The following UVSSA variants were observed in gnomAD, a reference collection of about 807,000 sequenced individuals.
UVSSA encodes the protein UV-stimulated scaffold protein A.
In UVSSA, 72 loss-of-function variants were observed where a neutral mutation model predicts 73.9. The ratio of observed to expected loss-of-function variants is 0.97; its 90% CI spans 0.81 to 1.19. The LOEUF (loss-of-function observed/expected upper bound fraction) is 1.19. Among genes scored for constraint, UVSSA ranks in the 50% most tolerant of loss-of-function variants. The pLI, the probability that UVSSA is intolerant of heterozygous loss-of-function variation, is 0.00. For synonymous variants in UVSSA, 454 were observed against 391.3 expected, an observed-to-expected ratio of 1.16 and a Z score of -1.89; for missense variants, 1,150 against 965.0, an observed-to-expected ratio of 1.19 and a Z score of -2.54.
chr4:1,347,923 C>T, intron 1 of UVSSA, 163 bp downstream of exon 1: 4 of 632,822 alleles, frequency 6.3e-6, no homozygotes, highest in Non-Finnish European at 8.4e-6. Context: ...GCCGTAAAGG[C>T]CTTGCTGGAC....
chr4:1,378,263 C>CG (rs1719012414), intron 10 of UVSSA, among the ~76,000 whole-genome samples: 1 of 152,122 alleles, frequency 6.6e-6, no homozygotes, highest in African/African-American at 2.4e-5. Context: ...AGAGGGCTGG[C>CG]GGGCCCTGGC....
chr4:1,360,183 G>T lies in UVSSA; in HGVS notation c.1176+4938G>T, dbSNP rs368496075. Among the ~76,000 whole-genome samples the T allele has an allele frequency of 3.9e-4, 59 of 152,364 alleles. 2 individuals carry two copies. The highest frequency in any genetic ancestry group is 1.3e-3 in the African/African-American group (56 of 41,596). On this transcript the variant is annotated intron_variant, in intron 7 of 13. Transcript: ENST00000389851. ...CGCATCCCAAGGGCTGCCCACGGGG[G>T]GCGGGGTGCAGATACACAGGTTCTC...
chr4:1,361,768 G>A (rs776644498), intron 7 of UVSSA, among the ~76,000 whole-genome samples: 1 of 152,072 alleles, frequency 6.6e-6, no homozygotes, highest in African/African-American at 2.4e-5. Flanking sequence ...TTATAAGATA[G>A]AATGGGTTTT....
intron 10 of UVSSA, among the ~76,000 whole-genome samples, chr4:1,379,752 G>T (rs1456389628): frequency 6.7e-6 from 1 of 149,888 alleles, no homozygotes; most frequent in Non-Finnish European, 1.5e-5. Context: ...TCGCGCGGCT[G>T]GTTCACGTGG....
chr4:1,385,885 T>C lies in UVSSA; in HGVS notation c.2054T>C (p.Val685Ala). ...CCCCACAGGGCAGCTGTGCGGAGGG[T>C]AGTGGCAGCCATGAACCGGATGGAC... ...KVFAKAAVRR[V>A]VAAMNRMDQK... is the part of the protein sequence containing the mutation. Residue 685 changes from valine (V) to alanine (A), a missense_variant, in exon 14 of 14, where the codon GTA becomes GCA. Transcript: ENST00000389851. The C allele has an allele frequency of 6.2e-7, 1 of 1,613,862 alleles. No homozygotes were observed. The highest frequency in any genetic ancestry group is 2.2e-5 in the East Asian group (1 of 44,880).
At chr4:1,354,985 A>T (rs757987377) in intron 6 of UVSSA, 132 bp from the exon 7 acceptor site, 30 of 1,527,300 alleles carry the variant, frequency 2.0e-5, no homozygotes, top group Non-Finnish European at 2.5e-5. Context: ...CCTCACCCGC[A>T]GCTTTGTCCT....
chr4:1,366,604 A>G (rs1717362254), intron 8 of UVSSA, among the ~76,000 whole-genome samples, 173 bp downstream of exon 8: 1 of 152,154 alleles, frequency 6.6e-6, no homozygotes, highest in African/African-American at 2.4e-5. Flanking sequence ...GAGGCCGAGA[A>G]GTCGTGTGTG....
At chr4:1,372,811 TCTCAGGGC>T (rs1473032910) in intron 8 of UVSSA, among the ~76,000 whole-genome samples, 9,958 of 48,444 alleles carry the variant, frequency 0.21, 2,530 homozygotes, top group East Asian at 0.55. Flanking sequence ...ACCTCCCGCG[TCTCAGGGC>T]ACTCACCTCC....
intron 2 of UVSSA, among the ~76,000 whole-genome samples, chr4:1,348,597 G>A (rs1714107987): frequency 6.6e-6 from 1 of 152,222 alleles, no homozygotes; most frequent in Non-Finnish European, 1.5e-5. Flanking sequence ...CTTCCTCCAA[G>A]GAAAACGCCG....
intron 2 of UVSSA, 128 bp from the exon 3 acceptor site, chr4:1,349,396 G>T: frequency 1.1e-6 from 1 of 887,236 alleles, no homozygotes; most frequent in Non-Finnish European, 1.7e-6. Flanking sequence ...CTAGAAAAGG[G>T]GAGAATGAAG....
rs141865501 is a variant in UVSSA at position 1,364,697 on chromosome 4, C to T, written c.1177-1623C>T. ...GTTTCCCTCAGCTGTGCTGTGGGAA[C>T]AGGAATGCAGGCGCCTCCATCCCGG... On this transcript the variant is annotated intron_variant, in intron 7 of 13. Coordinates refer to ENST00000389851, the MANE Select transcript of UVSSA (RefSeq NM_020894.4). Among the ~76,000 whole-genome samples, 556 of 152,244 alleles carry T rather than the reference C, an allele frequency of 3.7e-3. 5 individuals are homozygous for T. The highest frequency in any genetic ancestry group is 0.013 in the African/African-American group (538 of 41,550).
chr4:1,392,833 G>A (rs1467457549), downstream of UVSSA: 1 of 152,182 alleles, frequency 6.6e-6, no homozygotes, highest in Non-Finnish European at 1.5e-5. Flanking sequence ...TATTGAATGT[G>A]GGTATTGAAT....
upstream of UVSSA, among the ~76,000 whole-genome samples, chr4:1,342,139 G>A (rs1577257964): frequency 6.6e-6 from 1 of 152,332 alleles, no homozygotes; most frequent in African/African-American, 2.4e-5. Flanking sequence ...AGAAGGAACT[G>A]AGTCATGGTG....
At position 1,375,464 on chromosome 4, in the gene UVSSA, G is replaced by C. The variant is rs1178314618; in HGVS notation, c.1389G>C (p.Gln463His). ...EVSDPTSAAA[Q>H]LRQLRDHLPP... ...CGGACCCCACCTCTGCGGCTGCTCA[G>C]CTGCGGCAGCTCCGGGACCACTTGC... The change falls in exon 9 of 14, where the codon CAG becomes CAC. Residue 463 changes from glutamine to histidine, a missense_variant. Gln to His is a conservative substitution (Grantham distance 24). Transcript: ENST00000389851. The C allele has an allele frequency of 6.2e-7, 1 of 1,612,528 alleles. No homozygotes were observed. The highest frequency in any genetic ancestry group is 1.3e-5 in the African/African-American group (1 of 74,930).
intron 12 of UVSSA, among the ~76,000 whole-genome samples, chr4:1,382,851 G>A (rs1298796967): frequency 1.3e-5 from 2 of 152,228 alleles, no homozygotes; most frequent in African/African-American, 4.8e-5. Flanking sequence ...AGCTCGTGGG[G>A]TCCTGTCTGC....
upstream of UVSSA, among the ~76,000 whole-genome samples, chr4:1,342,209 T>G (rs1243705907): frequency 1.3e-5 from 2 of 152,186 alleles, no homozygotes; most frequent in Non-Finnish European, 2.9e-5. Flanking sequence ...TGGTAGTGTT[T>G]TACACTCCAG....
intron 7 of UVSSA, among the ~76,000 whole-genome samples, chr4:1,365,582 C>T (rs1383669759): frequency 1.3e-5 from 2 of 152,236 alleles, no homozygotes; most frequent in Non-Finnish European, 2.9e-5. Flanking sequence ...GGGATCCCCC[C>T]ACACCTACCC....
In UVSSA at chr4:1,355,154, A is replaced by C; in HGVS notation, c.1085A>C (p.Lys362Thr). Reference sequence around the variant, plus strand: ...GTCGGGACCCACGGTGGATGTTTAAAGCGTGCCATTGACCTGAAGGCTGAA... The same window carrying C: ...GTCGGGACCCACGGTGGATGTTTAACGCGTGCCATTGACCTGAAGGCTGAA... ...TRVGTHGGCL[K>T]RAIDLKAELE... The change falls in exon 7 of 14, where the codon AAG (lysine) becomes ACG (threonine). Residue 362 changes from lysine (K) to threonine (T), a missense_variant. Transcript: ENST00000389851. 1 of 1,613,890 alleles carries C rather than the reference A, an allele frequency of 6.2e-7. No individual in the cohort carries two copies. The highest frequency in any genetic ancestry group is 8.5e-7 in the Non-Finnish European group (1 of 1,179,928).
chr4:1,392,222 C>T (rs990863246), downstream of UVSSA: 3 of 152,194 alleles, frequency 2.0e-5, no homozygotes, highest in Non-Finnish European at 4.4e-5. Context: ...CTCTCAGCTT[C>T]TTGGTGCTGT....
Sources: gnomAD v4.1 joint callset for allele counts (sites outside exome capture counted in the v4.1 genomes callset) on GRCh38, gnomAD v4.1.1 for gene constraint, MANE v1.5 for transcripts, NCBI Gene and HGNC (gene_info 2026-07-23, HGNC 2026-07-21) for gene names.